Variants in SORCS3 observed in about 807,000 individuals in gnomAD.
SORCS3 encodes the protein sortilin related VPS10 domain containing receptor 3, also known as VPS10 domain-containing receptor SorCS3.
Under a neutral mutation model 146.3 loss-of-function variants are expected in SORCS3, and 57 were observed. The observed-to-expected ratio is 0.39, with a 90% CI of 0.31 to 0.49. The LOEUF (loss-of-function observed/expected upper bound fraction) is 0.49, where lower values mean the gene tolerates loss of function less well. Ranked by LOEUF, SORCS3 falls within the 20% of genes least tolerant of loss-of-function variation. SORCS3 has a pLI of 0.92. For synonymous variants in SORCS3, 653 were observed against 618.5 expected (o/e 1.06, Z -0.83); for missense variants, 1,341 against 1,575.5 (o/e 0.85, Z 2.52).
chr10:104,734,566 A>C (rs1289370550), intron 1 of SORCS3, among the ~76,000 whole-genome samples: 1 of 152,244 alleles, frequency 6.6e-6, no homozygotes, highest in South Asian at 2.1e-4. Flanking sequence ...AGGACTTTGC[A>C]TGCTATTGTT....
intron 4 of SORCS3, among the ~76,000 whole-genome samples, chr10:105,028,540 T>G (rs2055244885): frequency 6.6e-6 from 1 of 152,112 alleles, no homozygotes; most frequent in African/African-American, 2.4e-5. Flanking sequence ...TTGTGAATCT[T>G]GGTGGGTGTG....
intron 1 of SORCS3, among the ~76,000 whole-genome samples, chr10:104,823,737 C>A (rs2017902286): frequency 6.6e-6 from 1 of 152,124 alleles, no homozygotes; most frequent in Non-Finnish European, 1.5e-5. Flanking sequence ...CCAAAGATAC[C>A]CATGTCCTGA....
intron 1 of SORCS3, among the ~76,000 whole-genome samples, chr10:104,655,666 A>G (rs2015619742): frequency 6.6e-6 from 1 of 152,170 alleles, no homozygotes; most frequent in South Asian, 2.1e-4. Context: ...TGGATCATGG[A>G]GACAGATTTC....
chr10:105,144,151 C>T (rs1467672751), intron 8 of SORCS3, among the ~76,000 whole-genome samples: 1 of 152,152 alleles, frequency 6.6e-6, no homozygotes, highest in Non-Finnish European at 1.5e-5. Flanking sequence ...TGATGTTACC[C>T]ACTGTCTGCC....
chr10:104,919,564 C>A (rs1336237858), intron 3 of SORCS3, among the ~76,000 whole-genome samples: 1 of 152,022 alleles, frequency 6.6e-6, no homozygotes, highest in African/African-American at 2.4e-5. Context: ...GTGGTACATG[C>A]CGTAATCCCA....
At chr10:104,707,143 T>C (rs1389181806) in intron 1 of SORCS3, among the ~76,000 whole-genome samples, 1 of 152,172 alleles carries the variant, frequency 6.6e-6, no homozygotes, top group Admixed American at 6.5e-5. Context: ...ACTGATGTAG[T>C]GGCTAAGAGC....
At chr10:104,893,587 T>G (rs535469821) in intron 2 of SORCS3, among the ~76,000 whole-genome samples, 1 of 152,222 alleles carries the variant, frequency 6.6e-6, no homozygotes, top group Non-Finnish European at 1.5e-5. Context: ...TCCCCCTTTA[T>G]GCCTTGACTG....
At chr10:104,963,494 C>G (rs1038251640) in intron 3 of SORCS3, among the ~76,000 whole-genome samples, 1 of 152,136 alleles carries the variant, frequency 6.6e-6, no homozygotes, top group African/African-American at 2.4e-5. Flanking sequence ...CTCTCAGGCT[C>G]CTTTCCTGGT....
intron 1 of SORCS3, among the ~76,000 whole-genome samples, chr10:104,718,371 C>A (rs1365173207): frequency 6.6e-6 from 1 of 152,068 alleles, no homozygotes; most frequent in Non-Finnish European, 1.5e-5. Flanking sequence ...ATGATGAACC[C>A]GTTCCCTCCA....
At chr10:105,150,311 T>C (rs2056159545) in intron 9 of SORCS3, among the ~76,000 whole-genome samples, 2 of 152,136 alleles carry the variant, frequency 1.3e-5, no homozygotes, top group African/African-American at 2.4e-5. Context: ...AATTCATCCA[T>C]TCAGTCCCAG....
rs537470361 is a variant in SORCS3 at position 104,948,001 on chromosome 10, T to C, written c.796-29334T>C. On this transcript the variant is annotated intron_variant, in intron 3 of 26. Coordinates refer to ENST00000369701, the MANE Select transcript of SORCS3 (RefSeq NM_014978.3). ...CTGGATGCCAGCACTATTTTTGTCA[T>C]TGTAAAAATTAATGAGAATGTACTC... Among the ~76,000 whole-genome samples the C allele has an allele frequency of 5.3e-5, 8 of 152,328 alleles. No homozygotes were observed. The South Asian group carries it at 1.7e-3, about 32-fold the overall frequency.
intron 2 of SORCS3, among the ~76,000 whole-genome samples, chr10:104,900,830 G>T (rs927216563): frequency 7.0e-6 from 1 of 143,206 alleles, no homozygotes; most frequent in African/African-American, 2.6e-5. Flanking sequence ...GGAGGTGGAG[G>T]TTGCAGTGAG....
chr10:105,154,378 G>A (rs2056190780), intron 9 of SORCS3, among the ~76,000 whole-genome samples: 2 of 152,218 alleles, frequency 1.3e-5, no homozygotes, highest in Non-Finnish European at 2.9e-5. Context: ...AGGTCTCTGG[G>A]AGGTGACCAA....
chr10:104,727,537 G>T (rs1443948899), intron 1 of SORCS3, among the ~76,000 whole-genome samples: 2 of 108,708 alleles, frequency 1.8e-5, no homozygotes, highest in East Asian at 1.1e-3. Flanking sequence ...AGGGATATAT[G>T]TGTGTGTGTA....
At chr10:105,066,663 C>T in intron 5 of SORCS3, among the ~76,000 whole-genome samples, 1 of 152,146 alleles carries the variant, frequency 6.6e-6, no homozygotes. Context: ...CAAGACTGCT[C>T]CCTTCCACTC....
intron 7 of SORCS3, among the ~76,000 whole-genome samples, chr10:105,121,349 A>G (rs1233243434): frequency 6.6e-6 from 1 of 152,206 alleles, no homozygotes; most frequent in Non-Finnish European, 1.5e-5. Flanking sequence ...GACAGATATT[A>G]TCTTTATTTT....
chr10:105,141,584 G>C, intron 8 of SORCS3, among the ~76,000 whole-genome samples: 1 of 152,166 alleles, frequency 6.6e-6, no homozygotes, highest in Non-Finnish European at 1.5e-5. Context: ...TACATGCTCA[G>C]AATATGCTCT....
chr10:104,968,433 TACAC>T (rs2054839879), intron 3 of SORCS3, among the ~76,000 whole-genome samples: 1 of 152,188 alleles, frequency 6.6e-6, no homozygotes, highest in Non-Finnish European at 1.5e-5. Context: ...ACTTTCTGTT[TACAC>T]ATGAAATATC....
chr10:105,158,866 T>A, intron 10 of SORCS3, 26 bp from the exon 11 acceptor site: 1 of 1,562,078 alleles, frequency 6.4e-7, no homozygotes, highest in Non-Finnish European at 8.8e-7. Flanking sequence ...TTTCCTAGAA[T>A]GAAACTATTT....
Sources: allele counts gnomAD v4.1 joint callset (sites outside exome capture counted in the v4.1 genomes callset), GRCh38; gene constraint gnomAD v4.1.1; transcripts MANE v1.5; gene names NCBI Gene and HGNC (gene_info 2026-07-23, HGNC 2026-07-21).